MRPL13: variants seen among roughly 807,000 people sequenced by gnomAD.
MRPL13 encodes the protein mitochondrial ribosomal protein L13.
Under a neutral mutation model 29.0 loss-of-function variants are expected in MRPL13, and 33 were observed. That is an observed-to-expected ratio of 1.14 (90% CI 0.86 to 1.52). The LOEUF (loss-of-function observed/expected upper bound fraction) is 1.52, where lower values mean the gene tolerates loss of function less well. MRPL13 is among the 40% of genes most tolerant of loss of function. MRPL13 has a pLI of 0.00. For synonymous variants in MRPL13, 77 were observed against 68.4 expected (o/e 1.13, Z -0.62); for missense variants, 227 against 216.7 (o/e 1.05, Z -0.30).
At chr8:120,407,864 G>A (rs1375901800) in intron 6 of MRPL13, among the ~76,000 whole-genome samples, 1 of 151,900 alleles carries the variant, frequency 6.6e-6, no homozygotes, top group Non-Finnish European at 1.5e-5. Context: ...ATATTTCTTA[G>A]TATAATGCTT....
At chr8:120,398,222 T>C (rs1812545536) in intron 6 of MRPL13, among the ~76,000 whole-genome samples, 3 of 152,178 alleles carry the variant, frequency 2.0e-5, no homozygotes, top group African/African-American at 7.2e-5. Context: ...TCTAGACAAC[T>C]CCTACAGGAG....
chr8:120,412,135 C>T, intron 6 of MRPL13, among the ~76,000 whole-genome samples: 1 of 151,830 alleles, frequency 6.6e-6, no homozygotes, highest in East Asian at 1.9e-4. Flanking sequence ...AAAAGAGTAC[C>T]ACACCCCTCT....
chr8:120,420,026 G>C (rs1057200613), intron 4 of MRPL13, 88 bp from the exon 5 acceptor site: 6 of 847,732 alleles, frequency 7.1e-6, no homozygotes, highest in Non-Finnish European at 8.4e-6. Flanking sequence ...ATGAAAATGA[G>C]GGGTTTAGAT....
At chr8:120,402,786 T>A (rs958046337) in intron 6 of MRPL13, among the ~76,000 whole-genome samples, 2 of 152,126 alleles carry the variant, frequency 1.3e-5, no homozygotes. Context: ...TACAATGAAC[T>A]TAGGCAAATT....
chr8:120,408,113 C>G (rs192965979), intron 6 of MRPL13, among the ~76,000 whole-genome samples: 39 of 152,290 alleles, frequency 2.6e-4, no homozygotes, highest in Non-Finnish European at 3.5e-4. Flanking sequence ...CCATCCTGAT[C>G]CGAAAAAGCT....
At chr8:120,415,003 T>C (rs1476717955) in intron 5 of MRPL13, 3 of 152,180 alleles carry the variant, frequency 2.0e-5, no homozygotes, top group Non-Finnish European at 4.4e-5. Context: ...TGAGTTTAGA[T>C]ACTGAAAGGC....
Position 120,396,030 on chromosome 8 carries a change from T to C in MRPL13, c.*74A>G, listed in dbSNP as rs371339974. 44 of 1,287,546 alleles carry C rather than the reference T, an allele frequency of 3.4e-5. No individual in the cohort carries two copies. Among genetic ancestry groups the C allele is most frequent in the African/African-American group, 3.4e-4 (23 of 67,916 alleles). The allele number at this position is 1,287,546 out of a possible 1,614,324, so 79.8% of individuals were successfully genotyped here. A position where few individuals can be genotyped will look rare whatever the true frequency, so the allele number is the denominator to read the frequency against. ...GAACTGTAGCAGTTGTTTTACTCCA[T>C]CCTGTAGGTTAGAGAAACTCATCAG... is the stretch of plus-strand genomic sequence containing the variant. On this transcript the variant is annotated 3_prime_UTR_variant, in exon 7 of 7. Transcript: ENST00000306185.
chr8:120,412,525 A>G (rs1812750718), intron 6 of MRPL13, among the ~76,000 whole-genome samples: 1 of 152,192 alleles, frequency 6.6e-6, no homozygotes, highest in Non-Finnish European at 1.5e-5. Context: ...GCTCAAAATG[A>G]AAGATGACTT....
At chr8:120,415,532 T>C (rs1209168066) in intron 5 of MRPL13, 1 of 152,162 alleles carries the variant, frequency 6.6e-6, no homozygotes, top group Admixed American at 6.5e-5. Flanking sequence ...TGTAAGCTTG[T>C]TCTAAAACCC....
chr8:120,401,861 C>T (rs1026068214), intron 6 of MRPL13, among the ~76,000 whole-genome samples: 1 of 152,078 alleles, frequency 6.6e-6, no homozygotes, highest in African/African-American at 2.4e-5. Context: ...CAACAACATG[C>T]AAGCAGAGAG....
chr8:120,444,486 T>C (rs944358138), intron 1 of MRPL13, among the ~76,000 whole-genome samples: 1 of 152,212 alleles, frequency 6.6e-6, no homozygotes, highest in Non-Finnish European at 1.5e-5. Flanking sequence ...ATTCAGGAAG[T>C]CCTACTGGCT....
chr8:120,417,192 T>C (rs926655435), intron 5 of MRPL13, among the ~76,000 whole-genome samples: 3 of 152,214 alleles, frequency 2.0e-5, no homozygotes, highest in Non-Finnish European at 4.4e-5. Context: ...GAGTGTTCAG[T>C]GCTTCATAGC....
intron 6 of MRPL13, among the ~76,000 whole-genome samples, chr8:120,408,351 A>T (rs1334776507): frequency 6.6e-6 from 1 of 152,198 alleles, no homozygotes; most frequent in Non-Finnish European, 1.5e-5. Context: ...AGGACTTATA[A>T]ATGATTTGGG....
rs776330759 is a variant in MRPL13, at chr8:120,432,008, C to T, written c.245+22G>A. ...TAATATATTTTAACTACCTAATTTCCCTGACAACAGCATTATCTTACCCAG... is the reference window on the plus strand; with the variant it reads ...TAATATATTTTAACTACCTAATTTCTCTGACAACAGCATTATCTTACCCAG... On this transcript the variant is annotated intron_variant, in intron 3 of 6. Coordinates refer to ENST00000306185, the MANE Select transcript of MRPL13 (RefSeq NM_014078.6). 3 of 1,500,152 alleles carry T rather than the reference C, an allele frequency of 2.0e-6. No homozygotes were observed. In the African/African-American group the frequency reaches 4.3e-5, roughly 21 times the overall value. The allele number at this position is 1,500,152 out of a possible 1,614,324, so 92.9% of individuals were successfully genotyped here. A position where few individuals can be genotyped will look rare whatever the true frequency, so the allele number is the denominator to read the frequency against.
chr8:120,426,135 G>T (rs560028288), intron 3 of MRPL13, among the ~76,000 whole-genome samples: 1 of 151,998 alleles, frequency 6.6e-6, no homozygotes, highest in East Asian at 1.9e-4. Context: ...ATTTGTGAAA[G>T]GGATTGGGAA....
At chr8:120,420,994 ACGT>A (rs1812866405) in intron 4 of MRPL13, among the ~76,000 whole-genome samples, 1 of 151,860 alleles carries the variant, frequency 6.6e-6, no homozygotes, top group Admixed American at 6.6e-5. Flanking sequence ...ATACAAATGT[ACGT>A]AAACAAAGGT....
At chr8:120,424,528 G>A (rs772459636) in intron 4 of MRPL13, among the ~76,000 whole-genome samples, 3 of 152,102 alleles carry the variant, frequency 2.0e-5, no homozygotes, top group Non-Finnish European at 4.4e-5. Context: ...CACTTGGGAG[G>A]CCGAGGTGGG....
Position 120,426,920 on chromosome 8 carries a change from A to G in MRPL13, c.246-1554T>C, listed in dbSNP as rs372391605. Among the ~76,000 whole-genome samples the G allele has an allele frequency of 1.3e-3, 192 of 152,260 alleles. 1 individual carries two copies. Among genetic ancestry groups the G allele is most frequent in the African/African-American group, 4.4e-3 (181 of 41,568 alleles). On this transcript the variant is annotated intron_variant, in intron 3 of 6. Coordinates refer to ENST00000306185, the MANE Select transcript of MRPL13 (RefSeq NM_014078.6). ...TAAGTTGTATCTCTAACTCATGCCA[A>G]TGTATTTTAGATGACTAAAGACTTA...
rs1010057727 is a variant in MRPL13, at chr8:120,440,959, C to T, written c.151+2226G>A. The stretch of plus-strand genomic sequence containing the variant: ...CAGAGTAGAGGGAGAGATGATGAGA[C>T]GTGCCAGAGTTCAGATATACTTTTT... On this transcript the variant is annotated intron_variant, in intron 2 of 6. Coordinates refer to ENST00000306185, the MANE Select transcript of MRPL13 (RefSeq NM_014078.6). Among the ~76,000 whole-genome samples, 39 of 151,718 alleles carry T rather than the reference C, an allele frequency of 2.6e-4. 1 individual carries two copies. Among genetic ancestry groups the T allele is most frequent in the Admixed American group, 2.2e-3 (33 of 15,236 alleles).
Sources: gnomAD v4.1 joint callset for allele counts (sites outside exome capture counted in the v4.1 genomes callset) on GRCh38, gnomAD v4.1.1 for gene constraint, MANE v1.5 for transcripts, NCBI Gene and HGNC (gene_info 2026-07-23, HGNC 2026-07-21) for gene names.